SNX29: variants seen among roughly 807,000 people sequenced by gnomAD.
SNX29 encodes the protein sorting nexin-29.
In SNX29, 78 loss-of-function variants were observed where a neutral mutation model predicts 102.1. The ratio of observed to expected loss-of-function variants is 0.76; its 90% CI spans 0.64 to 0.92. The LOEUF (loss-of-function observed/expected upper bound fraction) is 0.92, where lower values mean the gene tolerates loss of function less well. SNX29 is among the 40% of genes least tolerant of loss of function. The pLI, the probability that SNX29 is intolerant of heterozygous loss-of-function variation, is 0.00. For synonymous variants in SNX29, 580 were observed against 414.5 expected, an observed-to-expected ratio of 1.40 and a Z score of -4.85; for missense variants, 1,280 against 1,061.7, an observed-to-expected ratio of 1.21 and a Z score of -2.86.
At chr16:12,188,756 C>T (rs1054029014) in intron 13 of SNX29, among the ~76,000 whole-genome samples, 1 of 152,128 alleles carries the variant, frequency 6.6e-6, no homozygotes. Context: ...CTCCATTTTC[C>T]ACCCCCTCCA....
In SNX29 at chr16:12,566,084, C is replaced by T. The variant is rs75147865; in HGVS notation, c.2319-2422C>T. ...CATTGTCTCTCTAGGCACTTGATCC[C>T]CATGATGCTTAAAACCACCCCACCT... On this transcript the variant is annotated intron_variant, in intron 20 of 20. Transcript: ENST00000566228. 6.5e-3 allele frequency among the ~76,000 whole-genome samples: 994 copies of T among 152,330 alleles called. 14 individuals carry two copies. Among genetic ancestry groups the T allele is most frequent in the African/African-American group, 0.023 (947 of 41,570 alleles).
At chr16:12,400,742 GTGATGTAAA>G (rs1567525059) in intron 17 of SNX29, among the ~76,000 whole-genome samples, 1 of 152,192 alleles carries the variant, frequency 6.6e-6, no homozygotes, top group African/African-American at 2.4e-5. Flanking sequence ...TTCAGAACAT[GTGATGTAAA>G]AAATCAACAG....
intron 14 of SNX29, among the ~76,000 whole-genome samples, chr16:12,262,536 G>A (rs1467707131): frequency 2.0e-5 from 3 of 152,220 alleles, no homozygotes; most frequent in Non-Finnish European, 4.4e-5. Flanking sequence ...AAAATGCAGC[G>A]ATGACAAAGA....
intron 20 of SNX29, among the ~76,000 whole-genome samples, chr16:12,560,515 C>G (rs8044240): frequency 0.56 from 85,572 of 151,962 alleles, 25,091 homozygotes; most frequent in Middle Eastern, 0.71. Flanking sequence ...GTCCTGCCCT[C>G]CACCTTCCAA....
Position 12,570,168 on chromosome 16 carries a change from C to A in SNX29, c.*1539C>A, listed in dbSNP as rs1168187957. 9.4e-7 allele frequency: 1 copy of A among 1,065,212 alleles called. No individual in the cohort carries two copies. Among genetic ancestry groups the A allele is most frequent in the African/African-American group, 1.6e-5 (1 of 61,048 alleles). 66.0% of individuals were successfully genotyped at this position (1,065,212 alleles called of 1,614,324 possible). ...TCACTCACACACAGCGCCCCCCCAC[C>A]CCAGAGAAACCGAGTCAGCCTACAT... On this transcript the variant is annotated 3_prime_UTR_variant, in exon 21 of 21. Transcript: ENST00000566228.
intron 15 of SNX29, among the ~76,000 whole-genome samples, chr16:12,290,011 G>T (rs547512633): frequency 6.6e-6 from 1 of 152,286 alleles, no homozygotes; most frequent in East Asian, 1.9e-4. Context: ...GATACAGCGG[G>T]AGTGGAGAAC....
chr16:12,149,118 C>T (rs1356312326), intron 13 of SNX29, among the ~76,000 whole-genome samples: 1 of 152,158 alleles, frequency 6.6e-6, no homozygotes, highest in Non-Finnish European at 1.5e-5. Context: ...TTGTCAGTTA[C>T]TTCTAAGTTG....
intron 18 of SNX29, among the ~76,000 whole-genome samples, chr16:12,438,342 C>G (rs1021192786): frequency 2.0e-5 from 3 of 152,096 alleles, no homozygotes; most frequent in East Asian, 3.9e-4. Context: ...GGGTTCAGCG[C>G]TCTCCCCTCT....
At chr16:12,152,508 C>G (rs1169924665) in intron 13 of SNX29, among the ~76,000 whole-genome samples, 2 of 152,194 alleles carry the variant, frequency 1.3e-5, no homozygotes, top group African/African-American at 4.8e-5. Context: ...CCTATCTTAG[C>G]TCTGTAACCT....
At chr16:12,530,762 G>C (rs113390002) in intron 20 of SNX29, among the ~76,000 whole-genome samples, 2 of 152,006 alleles carry the variant, frequency 1.3e-5, no homozygotes, top group African/African-American at 2.4e-5. Context: ...CTTCATGTTG[G>C]CCAGGAGTGT....
rs765744555 is a variant in SNX29 at position 12,570,158 on chromosome 16, G to GC, written c.*1536dup. ...AAGGCTGAGATCACTCACACACAGC[G>GC]CCCCCCCACCCCAGAGAAACCGAGT... On this transcript the variant is annotated 3_prime_UTR_variant, in exon 21 of 21. Transcript: ENST00000566228. The GC allele has an allele frequency of 5.2e-4, 557 of 1,064,120 alleles. 1 individual carries two copies. The highest frequency in any genetic ancestry group is 9.8e-4 in the African/African-American group (60 of 61,044). The allele number at this position is 1,064,120 out of a possible 1,614,324, so 65.9% of individuals were successfully genotyped here.
intron 15 of SNX29, among the ~76,000 whole-genome samples, chr16:12,350,428 AT>A (rs985617984): frequency 6.6e-6 from 1 of 152,200 alleles, no homozygotes; most frequent in African/African-American, 2.4e-5. Flanking sequence ...ATACTAAAAC[AT>A]CATTTAATAG....
intron 20 of SNX29, among the ~76,000 whole-genome samples, chr16:12,567,860 C>T (rs766074723): frequency 3.9e-5 from 6 of 152,200 alleles, no homozygotes; most frequent in Non-Finnish European, 7.3e-5. Flanking sequence ...ACCCTATCCC[C>T]TAAAAAATGT....
intron 13 of SNX29, among the ~76,000 whole-genome samples, chr16:12,191,436 C>T (rs1466941748): frequency 1.3e-5 from 2 of 152,192 alleles, no homozygotes; most frequent in Non-Finnish European, 1.5e-5. Flanking sequence ...CTGTAGGTAT[C>T]TCAGCCTGCA....
At chr16:12,278,397 A>G (rs73506118) in intron 15 of SNX29, among the ~76,000 whole-genome samples, 1 of 152,188 alleles carries the variant, frequency 6.6e-6, no homozygotes, top group Non-Finnish European at 1.5e-5. Context: ...ACTATTTTTC[A>G]GAAAAACATT....
At chr16:12,174,490 G>A (rs547100032) in intron 13 of SNX29, among the ~76,000 whole-genome samples, 1 of 152,302 alleles carries the variant, frequency 6.6e-6, no homozygotes, top group South Asian at 2.1e-4. Flanking sequence ...TTGAGCTCTG[G>A]GCAGATGGGA....
intron 15 of SNX29, among the ~76,000 whole-genome samples, chr16:12,339,566 A>C (rs1479950010): frequency 1.3e-5 from 2 of 152,130 alleles, no homozygotes; most frequent in Non-Finnish European, 2.9e-5. Flanking sequence ...GGATTGGTGT[A>C]ACCTTTGGCA....
chr16:12,300,123 C>T (rs1014122208), intron 15 of SNX29, among the ~76,000 whole-genome samples: 4 of 152,198 alleles, frequency 2.6e-5, no homozygotes, highest in Admixed American at 1.3e-4. Context: ...CTGCCTGCCT[C>T]GGCCTCCCAA....
Position 12,098,496 on chromosome 16 carries a change from A to G in SNX29, c.1402+19581A>G, listed in dbSNP as rs189042030. On this transcript the variant is annotated intron_variant, in intron 11 of 20. Coordinates refer to ENST00000566228, the MANE Select transcript of SNX29 (RefSeq NM_032167.5). The surrounding 1 kb of genome is among the most constrained non-coding windows in gnomAD (Gnocchi z 6.0). ...GCCCTTTGATGGGACGTTACATTGCATTTCAGCAGCACCCAGCTGCTTCCA... is the reference window on the plus strand; with the variant it reads ...GCCCTTTGATGGGACGTTACATTGCGTTTCAGCAGCACCCAGCTGCTTCCA... 3.9e-4 allele frequency among the ~76,000 whole-genome samples: 60 copies of G among 152,230 alleles called. No individual in the cohort carries two copies. Among genetic ancestry groups the G allele is most frequent in the African/African-American group, 1.3e-3 (55 of 41,538 alleles).
Sources: gnomAD v4.1 joint callset for allele counts (sites outside exome capture counted in the v4.1 genomes callset) on GRCh38, gnomAD v4.1.1 for gene constraint, Gnocchi (gnomAD v3.1) non-coding constraint, MANE v1.5 for transcripts, NCBI Gene and HGNC (gene_info 2026-07-23, HGNC 2026-07-21) for gene names.